Variants in SLC35F4 observed in about 807,000 individuals in gnomAD.
The protein encoded by SLC35F4 is solute carrier family 35 member F4.
SLC35F4 carries 24 observed loss-of-function variants against 44.2 expected under a neutral mutation model. The ratio of observed to expected loss-of-function variants is 0.54; its 90% CI spans 0.39 to 0.76. The LOEUF (loss-of-function observed/expected upper bound fraction) is 0.76. Among genes scored for constraint, SLC35F4 ranks in the 30% least tolerant of loss-of-function variants. The pLI is 0.00. For synonymous variants in SLC35F4, 238 were observed against 223.6 expected, an observed-to-expected ratio of 1.06 and a Z score of -0.57; for missense variants, 562 against 586.1, an observed-to-expected ratio of 0.96 and a Z score of 0.42.
At chr14:57,681,956 C>T (rs111426528) in intron 1 of SLC35F4, among the ~76,000 whole-genome samples, 22,401 of 152,176 alleles carry the variant, frequency 0.15, 1,877 homozygotes, top group East Asian at 0.29. Context: ...TACCATCTCA[C>T]GCCAGTTAGA....
rs542578678 is a variant in SLC35F4, at chr14:57,835,674, A to G, written c.103+30049T>C. On this transcript the variant is annotated intron_variant, in intron 1 of 7. Transcript: ENST00000556826. The stretch of plus-strand genomic sequence containing the variant: ...CCCTGCCCAGTTTCTGCTGCTAGTA[A>G]TAATTTGGAGTCCTGGAGGACAGGC... Among the ~76,000 whole-genome samples, 271 of 152,298 alleles carry G rather than the reference A, an allele frequency of 1.8e-3. 1 individual carries two copies. The highest frequency in any genetic ancestry group is 6.1e-3 in the African/African-American group (253 of 41,566).
chr14:57,824,889 G>T (rs1274849453), intron 1 of SLC35F4, among the ~76,000 whole-genome samples: 3 of 152,134 alleles, frequency 2.0e-5, no homozygotes, highest in African/African-American at 7.2e-5. Context: ...AGGAACTGGG[G>T]TTTAAAGATG....
chr14:57,596,264 A>C (rs238381), intron 1 of SLC35F4: 59,444 of 162,066 alleles, frequency 0.37, 11,494 homozygotes, highest in Admixed American at 0.46. Context: ...GAAGCATTAT[A>C]TACTGACTGC....
chr14:57,605,257 A>C (rs2071083344), intron 1 of SLC35F4, among the ~76,000 whole-genome samples: 1 of 152,146 alleles, frequency 6.6e-6, no homozygotes, highest in Non-Finnish European at 1.5e-5. Flanking sequence ...TCAAATCAAC[A>C]AGAAAAAAGC....
intron 1 of SLC35F4, among the ~76,000 whole-genome samples, chr14:57,687,832 T>C (rs2075111401): frequency 1.3e-5 from 2 of 152,188 alleles, no homozygotes; most frequent in African/African-American, 2.4e-5. Flanking sequence ...TAAAATGTAA[T>C]TTCTGAAGAA....
intron 1 of SLC35F4, among the ~76,000 whole-genome samples, chr14:57,752,908 T>G (rs2076918379): frequency 6.6e-6 from 1 of 152,152 alleles, no homozygotes; most frequent in Non-Finnish European, 1.5e-5. Context: ...AGAGTAGGTG[T>G]GTCACTACCT....
chr14:57,841,603 C>T (rs1022149697), intron 1 of SLC35F4, among the ~76,000 whole-genome samples: 5 of 152,284 alleles, frequency 3.3e-5, no homozygotes, highest in African/African-American at 1.2e-4. Context: ...CACTGGCCTA[C>T]TGATCCTCAG....
intron 1 of SLC35F4, among the ~76,000 whole-genome samples, chr14:57,927,746 C>T (rs750957061): frequency 1.1e-4 from 16 of 152,132 alleles, no homozygotes; most frequent in Non-Finnish European, 1.9e-4. Flanking sequence ...CCACCTCAGC[C>T]TCCAAAAGTG....
intron 4 of SLC35F4, 110 bp from the exon 5 acceptor site, chr14:57,572,129 C>A (rs2068544126): frequency 7.9e-7 from 1 of 1,258,992 alleles, no homozygotes; most frequent in African/African-American, 1.5e-5. Context: ...ACCTAATTAC[C>A]TTTTGTACAT....
intron 1 of SLC35F4, among the ~76,000 whole-genome samples, chr14:57,691,450 C>T (rs1228064133): frequency 4.6e-5 from 7 of 152,204 alleles, no homozygotes; most frequent in East Asian, 1.9e-4. Context: ...TAATGGTGGA[C>T]GTGCTATTTA....
intron 1 of SLC35F4, among the ~76,000 whole-genome samples, chr14:57,961,043 C>T (rs1279720831): frequency 6.6e-6 from 1 of 152,162 alleles, no homozygotes; most frequent in Non-Finnish European, 1.5e-5. Context: ...GGACCCCCAA[C>T]TCAGGCTCTG....
chr14:57,668,211 T>C (rs1157408185), intron 1 of SLC35F4, among the ~76,000 whole-genome samples: 1 of 151,358 alleles, frequency 6.6e-6, no homozygotes, highest in Non-Finnish European at 1.5e-5. Context: ...TTTGAGTTCA[T>C]TGTAGATTCT....
At chr14:57,870,033 G>T (rs1203212905), upstream of SLC35F4, among the ~76,000 whole-genome samples, 3 of 152,160 alleles carry the variant, frequency 2.0e-5, 1 homozygote, top group South Asian at 6.2e-4. Flanking sequence ...TAATTTTGAG[G>T]CTCAACTCTT....
intron 1 of SLC35F4, among the ~76,000 whole-genome samples, chr14:57,610,366 A>G (rs2071419011): frequency 6.6e-6 from 1 of 152,158 alleles, no homozygotes; most frequent in African/African-American, 2.4e-5. Flanking sequence ...CAACACTTAT[A>G]GGGCAACCAC....
chr14:57,836,439 T>C (rs969397900), intron 1 of SLC35F4, among the ~76,000 whole-genome samples: 9 of 152,146 alleles, frequency 5.9e-5, no homozygotes, highest in Middle Eastern at 3.4e-3. Context: ...ACTACAGGCA[T>C]GCGCCATCAC....
chr14:57,917,846 C>T (rs953402051), intron 1 of SLC35F4, among the ~76,000 whole-genome samples: 5 of 152,116 alleles, frequency 3.3e-5, no homozygotes, highest in African/African-American at 1.2e-4. Flanking sequence ...TATGACTAGG[C>T]CTTAATCTGT....
intron 1 of SLC35F4, among the ~76,000 whole-genome samples, chr14:57,811,103 A>C (rs1231307035): frequency 6.6e-6 from 1 of 152,230 alleles, no homozygotes; most frequent in Non-Finnish European, 1.5e-5. Flanking sequence ...AAGTTTGATT[A>C]GGGATCTGGA....
intron 1 of SLC35F4, among the ~76,000 whole-genome samples, chr14:57,907,869 G>A (rs998096381): frequency 1.3e-5 from 2 of 151,846 alleles, no homozygotes; most frequent in African/African-American, 4.8e-5. Context: ...GAACGTGCAG[G>A]GTTGTTACAT....
chr14:57,626,748 G>A (rs1334132965), intron 1 of SLC35F4, among the ~76,000 whole-genome samples: 2 of 152,148 alleles, frequency 1.3e-5, no homozygotes, highest in African/African-American at 4.8e-5. Context: ...TTAGGAAATA[G>A]AGGTACAATC....
Sources: allele counts gnomAD v4.1 joint callset (sites outside exome capture counted in the v4.1 genomes callset), GRCh38; gene constraint gnomAD v4.1.1; transcripts MANE v1.5; gene names NCBI Gene and HGNC (gene_info 2026-07-23, HGNC 2026-07-21).